Variants in CHD8 observed in about 807,000 individuals in gnomAD.
CHD8 encodes ATP-dependent chromatin remodeler CHD8.
In CHD8, 31 loss-of-function variants were observed where a neutral mutation model predicts 279.2. That is an observed-to-expected ratio of 0.11 (90% CI 0.08 to 0.15). The LOEUF (loss-of-function observed/expected upper bound fraction) is 0.15. Ranked by LOEUF, CHD8 falls within the 10% of genes least tolerant of loss-of-function variation. The pLI is 1.00. For missense variants in CHD8, 2,146 were observed against 3,230.5 expected (o/e 0.66, Z 8.14); for synonymous variants, 1,081 against 1,139.6 (o/e 0.95, Z 1.04).
chr14:21,453,721 T>C (rs1042455390), intron 1 of CHD8, among the ~76,000 whole-genome samples: 2 of 151,886 alleles, frequency 1.3e-5, no homozygotes, highest in Non-Finnish European at 2.9e-5. Context: ...GAAGATAGCT[T>C]AACTCTTCCA....
intron 9 of CHD8, among the ~76,000 whole-genome samples, chr14:21,413,538 G>A (rs1797869431): frequency 6.6e-6 from 1 of 151,766 alleles, no homozygotes; most frequent in Non-Finnish European, 1.5e-5. Context: ...GGGATTACAG[G>A]TGCCCGCCAC....
intron 1 of CHD8, among the ~76,000 whole-genome samples, chr14:21,442,415 A>T (rs1231762903): frequency 1.3e-5 from 2 of 152,032 alleles, no homozygotes; most frequent in Non-Finnish European, 2.9e-5. Context: ...CAGTGAGTCA[A>T]GACTGTGCCA....
At chr14:21,419,867 G>GC in intron 5 of CHD8, 1 of 349,904 alleles carries the variant, frequency 2.9e-6, no homozygotes, top group South Asian at 2.5e-5. Flanking sequence ...CCAGTGATGA[G>GC]CCCCCAAAAG....
At chr14:21,399,087 A>G in intron 26 of CHD8, 1 of 320,288 alleles carries the variant, frequency 3.1e-6, no homozygotes, top group Non-Finnish European at 6.3e-6. Flanking sequence ...GGATGGCCGT[A>G]CTCTTTCAGA....
intron 1 of CHD8, among the ~76,000 whole-genome samples, chr14:21,438,978 C>G (rs1740187478): frequency 6.6e-6 from 1 of 151,856 alleles, no homozygotes; most frequent in Non-Finnish European, 1.5e-5. Context: ...AATACAAAAA[C>G]TAGCTGGGAG....
chr14:21,414,500 A>T, intron 8 of CHD8, 82 bp from the exon 9 acceptor site: 1 of 722,228 alleles, frequency 1.4e-6, no homozygotes, highest in Non-Finnish European at 2.4e-6. Context: ...GATTAGTCAG[A>T]AGCAGACATA....
intron 1 of CHD8, among the ~76,000 whole-genome samples, chr14:21,452,896 A>C (rs963603287): frequency 6.6e-6 from 1 of 151,682 alleles, no homozygotes; most frequent in African/African-American, 2.4e-5. Context: ...AGGCAGAAGA[A>C]TCACTTGAAC....
chr14:21,396,002 T>TC (rs1248401061), intron 27 of CHD8, 110 bp from the exon 28 acceptor site: 1 of 759,624 alleles, frequency 1.3e-6, no homozygotes, highest in East Asian at 2.5e-5. Context: ...ATAATCTTTA[T>TC]TAGTATTATT....
chr14:21,423,304 G>A (rs1353757735), intron 5 of CHD8, among the ~76,000 whole-genome samples: 5 of 152,132 alleles, frequency 3.3e-5, no homozygotes, highest in South Asian at 2.1e-4. Flanking sequence ...CATATTTGGC[G>A]AGGACCTTCT....
chr14:21,445,695 A>AG (rs1355955683), intron 1 of CHD8, among the ~76,000 whole-genome samples: 1 of 141,218 alleles, frequency 7.1e-6, no homozygotes, highest in African/African-American at 2.8e-5. Context: ...TCTCAAAAAA[A>AG]AAAAAAAAAA....
At chr14:21,414,154 G>A (rs1594357811) in intron 9 of CHD8, 147 bp downstream of exon 9, 5 of 600,456 alleles carry the variant, frequency 8.3e-6, no homozygotes, top group Non-Finnish European at 1.5e-5. Context: ...GGGCAGTTAA[G>A]TAAGGGAAGT....
intron 1 of CHD8, among the ~76,000 whole-genome samples, chr14:21,448,770 G>A (rs1282349058): frequency 6.6e-6 from 1 of 150,974 alleles, no homozygotes; most frequent in African/African-American, 2.4e-5. Context: ...TCATCATGTT[G>A]GTCAGGCTGG....
intron 7 of CHD8, 33 bp downstream of exon 7, chr14:21,415,541 A>T: frequency 9.2e-7 from 1 of 1,087,112 alleles, no homozygotes; most frequent in Non-Finnish European, 1.2e-6. Context: ...AAATAAATAA[A>T]TAAAAATAAT....
chr14:21,395,616 G>C (rs1887748171), intron 28 of CHD8: 2 of 594,788 alleles, frequency 3.4e-6, no homozygotes, highest in Non-Finnish European at 5.9e-6. Context: ...TCAGTGTCCA[G>C]CTCCTCCATA....
At chr14:21,455,073 G>A (rs1890352433) in intron 1 of CHD8, 1 of 152,240 alleles carries the variant, frequency 6.6e-6, no homozygotes, top group Admixed American at 6.5e-5. Context: ...ACGCCGCTGT[G>A]ATGGTAGGAT....
At chr14:21,452,665 C>T (rs963230182) in intron 1 of CHD8, among the ~76,000 whole-genome samples, 3 of 149,978 alleles carry the variant, frequency 2.0e-5, no homozygotes, top group African/African-American at 7.4e-5. Context: ...AAAAAGAAAA[C>T]TTCATACAAC....
Position 21,431,719 on chromosome 14 carries a change from C to T in CHD8, c.-76G>A. 9 of 1,608,948 alleles carry T rather than the reference C, an allele frequency of 5.6e-6. No individual in the cohort carries two copies. The highest frequency in any genetic ancestry group is 6.8e-6 in the Non-Finnish European group (8 of 1,177,508). On this transcript the variant is annotated 5_prime_UTR_variant, in exon 2 of 38. Coordinates refer to ENST00000646647, the MANE Select transcript of CHD8 (RefSeq NM_001170629.2). ...AGGGGGGGTACTGGCTCTCCCCTCCCCTCCCCTATTAAGAAAAAAATGTAC... is the reference window on the plus strand; with the variant it reads ...AGGGGGGGTACTGGCTCTCCCCTCCTCTCCCCTATTAAGAAAAAAATGTAC...
At chr14:21,426,099 T>G (rs1321672736) in intron 5 of CHD8, 29 bp downstream of exon 5, 2 of 1,311,792 alleles carry the variant, frequency 1.5e-6, no homozygotes, top group South Asian at 2.5e-5. Flanking sequence ...CATGGTTTTT[T>G]CTACTAAATT....
chr14:21,405,458 T>C lies in CHD8; in HGVS notation c.3058A>G (p.Lys1020Glu), dbSNP rs370650541. ...GDLKTEEQVQKLQAILKPMML... is the reference protein window; with the variant it reads ...GDLKTEEQVQELQAILKPMML... ...ATTGGCTTAAGAATGGCCTGTAGCT[T>C]TTGAACCTGTGGTCCATTACAGAGA... Residue 1020 changes from lysine to glutamate, a missense_variant, in exon 16 of 38, where the codon AAG becomes GAG. By Grantham distance (56) the Lys-to-Glu change is moderately conservative. Around this residue, in one of 26 missense-constraint regions of CHD8, gnomAD observed 211 missense variants for 464.7 expected, o/e 0.45. Coordinates refer to ENST00000646647, the MANE Select transcript of CHD8 (RefSeq NM_001170629.2). This position sits in a 1 kb window ranked among gnomAD's most constrained non-coding sequence, Gnocchi z 4.2. The C allele has an allele frequency of 1.2e-5, 19 of 1,601,944 alleles. No homozygotes were observed. The highest frequency in any genetic ancestry group is 1.4e-5 in the Non-Finnish European group (17 of 1,173,680).
Sources: allele counts gnomAD v4.1 joint callset (sites outside exome capture counted in the v4.1 genomes callset), GRCh38; gene constraint gnomAD v4.1.1; regional missense constraint gnomAD v4.1.1; non-coding constraint Gnocchi (gnomAD v3.1); transcripts MANE v1.5; gene names NCBI Gene and HGNC (gene_info 2026-07-23, HGNC 2026-07-21).